Variants in PRLR observed in about 807,000 individuals in gnomAD.
The protein encoded by PRLR is prolactin receptor.
Under a neutral mutation model 40.2 loss-of-function variants are expected in PRLR, and 13 were observed. That is an observed-to-expected ratio of 0.32 (90% CI 0.21 to 0.51). The LOEUF is 0.51. Ranked by LOEUF, PRLR falls within the 20% of genes least tolerant of loss-of-function variation. The pLI, the probability that PRLR is intolerant of heterozygous loss-of-function variation, is 0.97. For synonymous variants in PRLR, 269 were observed against 278.7 expected (o/e 0.97, Z 0.35); for missense variants, 656 against 747.3 (o/e 0.88, Z 1.42).
intron 5 of PRLR, among the ~76,000 whole-genome samples, chr5:35,079,801 C>T (rs1579596403): frequency 6.6e-6 from 1 of 152,190 alleles, no homozygotes; most frequent in African/African-American, 2.4e-5. Context: ...TACAAGGCTA[C>T]AGTAACCAAA....
At position 35,229,979 on chromosome 5, in the gene PRLR, G is replaced by A. The variant is rs116718054; in HGVS notation, c.-106+289C>T. 9.8e-3 allele frequency among the ~76,000 whole-genome samples: 1,496 copies of A among 152,334 alleles called. 23 individuals carry two copies. The highest frequency in any genetic ancestry group is 0.034 in the African/African-American group (1,416 of 41,574). On this transcript the variant is annotated intron_variant, in intron 1 of 9. Coordinates refer to ENST00000618457, the MANE Select transcript of PRLR (RefSeq NM_000949.7). ...TGACAAAGGCGAATGCGAGCCGAGT[G>A]CAGTTTGTAAAAGCTGGGGTTGGGG...
intron 1 of PRLR, among the ~76,000 whole-genome samples, chr5:35,134,439 G>A (rs773092297): frequency 6.6e-6 from 1 of 152,090 alleles, no homozygotes. Context: ...AAATAAGTCC[G>A]GATATCTCCA....
intron 1 of PRLR, among the ~76,000 whole-genome samples, chr5:35,225,344 G>A (rs1776521780): frequency 6.6e-6 from 1 of 152,150 alleles, no homozygotes; most frequent in Non-Finnish European, 1.5e-5. Flanking sequence ...CAGCATGAGG[G>A]TGGGGGAGAA....
At chr5:35,210,265 C>T (rs1038491017) in intron 1 of PRLR, among the ~76,000 whole-genome samples, 3 of 152,178 alleles carry the variant, frequency 2.0e-5, no homozygotes, top group Non-Finnish European at 4.4e-5. Context: ...AGATCTCTTT[C>T]CTCAATATAT....
chr5:35,182,332 T>C (rs1775315450), intron 1 of PRLR, among the ~76,000 whole-genome samples: 1 of 152,202 alleles, frequency 6.6e-6, no homozygotes, highest in South Asian at 2.1e-4. Flanking sequence ...TAAATTGTGA[T>C]GTAGCGTTCT....
At chr5:35,077,546 T>A (rs1770193922) in intron 5 of PRLR, among the ~76,000 whole-genome samples, 1 of 152,110 alleles carries the variant, frequency 6.6e-6, no homozygotes, top group African/African-American at 2.4e-5. Flanking sequence ...GCACCCAGAT[T>A]CATAAAGCAA....
In PRLR at chr5:35,072,635, A is replaced by G. The variant is rs780472625; in HGVS notation, c.483T>C (p.Thr161=). The G allele has an allele frequency of 2.5e-6, 4 of 1,614,136 alleles. No individual in the cohort carries two copies. Among genetic ancestry groups the G allele is most frequent in the Non-Finnish European group, 3.4e-6 (4 of 1,180,006 alleles). ...WSPPTLIDLK[T]GWFTLLYEIR... is the part of the protein sequence containing the mutation. ...TTTCATACAGGAGCGTGAACCAACC[A>G]GTTTTTAAGTCAATCAGGGTAGGTG... The change falls in exon 6 of 10, where the codon ACT becomes ACC. Residue 161 remains threonine (T), a synonymous_variant. Coordinates refer to ENST00000618457, the MANE Select transcript of PRLR (RefSeq NM_000949.7).
At chr5:35,067,880 C>G (rs115229432) in intron 9 of PRLR, among the ~76,000 whole-genome samples, 5,445 of 152,166 alleles carry the variant, frequency 0.036, 128 homozygotes, top group Middle Eastern at 0.11. Context: ...TGGTGGGTCC[C>G]TGTTTTGCAT....
intron 1 of PRLR, among the ~76,000 whole-genome samples, chr5:35,167,050 G>A (rs1774853794): frequency 6.6e-6 from 1 of 152,006 alleles, no homozygotes; most frequent in Non-Finnish European, 1.5e-5. Flanking sequence ...TTTTCTCTAA[G>A]AAGAAATTAC....
chr5:35,093,833 T>G (rs532618757), intron 2 of PRLR, among the ~76,000 whole-genome samples: 2 of 152,364 alleles, frequency 1.3e-5, no homozygotes, highest in East Asian at 3.9e-4. Context: ...TGTTTAGATA[T>G]ATTTAGATAC....
intron 1 of PRLR, among the ~76,000 whole-genome samples, chr5:35,184,013 C>G (rs1238513017): frequency 6.6e-6 from 1 of 152,178 alleles, no homozygotes; most frequent in African/African-American, 2.4e-5. Context: ...AAATGACCAT[C>G]TCTACTTAGG....
chr5:35,163,346 A>G (rs1774730933), intron 1 of PRLR, among the ~76,000 whole-genome samples: 1 of 152,220 alleles, frequency 6.6e-6, no homozygotes, highest in South Asian at 2.1e-4. Flanking sequence ...TTGCACTAGC[A>G]GACAACGAGT....
intron 2 of PRLR, among the ~76,000 whole-genome samples, chr5:35,091,140 C>G (rs1024167933): frequency 6.6e-6 from 1 of 152,082 alleles, no homozygotes; most frequent in African/African-American, 2.4e-5. Context: ...GAGGCTCCAG[C>G]TTCAGTAAAG....
chr5:35,050,408 A>G (rs1227318462), intron 8 of PRLR, among the ~76,000 whole-genome samples: 1 of 152,214 alleles, frequency 6.6e-6, no homozygotes, highest in Non-Finnish European at 1.5e-5. Context: ...TCTGACTTAT[A>G]AGTGACACCT....
rs564888621 is a variant in PRLR, at chr5:35,222,437, G to T, written c.-106+7831C>A. 2.6e-5 allele frequency among the ~76,000 whole-genome samples: 4 copies of T among 152,308 alleles called. No individual in the cohort carries two copies. The South Asian group carries it at 8.3e-4, about 32-fold the overall frequency. ...AATCAGAACAGCCGTAAAGTGTGGG[G>T]CTAGGAGCAGTGGAATAGCAACCAG... On this transcript the variant is annotated intron_variant, in intron 1 of 9. Coordinates refer to ENST00000618457, the MANE Select transcript of PRLR (RefSeq NM_000949.7).
chr5:35,076,714 G>A (rs1210034452), intron 5 of PRLR, among the ~76,000 whole-genome samples: 6 of 152,254 alleles, frequency 3.9e-5, no homozygotes, highest in South Asian at 2.1e-4. Context: ...GGTACTCCTC[G>A]AGAAGAGCAA....
chr5:35,215,525 T>G (rs1776263858), intron 1 of PRLR, among the ~76,000 whole-genome samples: 1 of 152,182 alleles, frequency 6.6e-6, no homozygotes, highest in Non-Finnish European at 1.5e-5. Context: ...CCAGCAACCC[T>G]GGAATGTATG....
intron 1 of PRLR, among the ~76,000 whole-genome samples, chr5:35,126,370 A>T (rs1362925191): frequency 6.6e-6 from 1 of 152,204 alleles, no homozygotes; most frequent in Non-Finnish European, 1.5e-5. Context: ...TTTAAGGCCC[A>T]AATTTGTCCC....
intron 1 of PRLR, among the ~76,000 whole-genome samples, chr5:35,174,523 C>G (rs1022571621): frequency 1.3e-5 from 2 of 152,172 alleles, no homozygotes; most frequent in Non-Finnish European, 2.9e-5. Flanking sequence ...TTTTCCATGC[C>G]TTTCTCTTTC....
Sources: allele counts gnomAD v4.1 joint callset (sites outside exome capture counted in the v4.1 genomes callset), GRCh38; gene constraint gnomAD v4.1.1; transcripts MANE v1.5; gene names NCBI Gene and HGNC (gene_info 2026-07-23, HGNC 2026-07-21).